SLC16A7: variants seen among roughly 807,000 people sequenced by gnomAD.
The protein encoded by SLC16A7 is solute carrier family 16 member 7.
A neutral mutation model predicts 34.9 loss-of-function variants in SLC16A7; 33 were observed. That is an observed-to-expected ratio of 0.94 (90% confidence interval 0.72 to 1.26). SLC16A7 has a LOEUF of 1.26. Ranked by LOEUF, SLC16A7 falls within the 50% of genes most tolerant of loss-of-function variation. The pLI is 0.00. For synonymous variants in SLC16A7, 201 were observed against 206.6 expected, an observed-to-expected ratio of 0.97 and a Z score of 0.23; for missense variants, 573 against 578.1, an observed-to-expected ratio of 0.99 and a Z score of 0.09.
intron 2 of SLC16A7, among the ~76,000 whole-genome samples, chr12:59,686,080 T>C (rs1282808150): frequency 6.7e-6 from 1 of 149,036 alleles, no homozygotes; most frequent in African/African-American, 2.4e-5. Context: ...AGTGATTCTT[T>C]CAAAAAGAAC....
chr12:59,733,205 G>A (rs529730871), intron 3 of SLC16A7, among the ~76,000 whole-genome samples: 1 of 152,296 alleles, frequency 6.6e-6, no homozygotes, highest in African/African-American at 2.4e-5. Flanking sequence ...TTTTGTTCAA[G>A]CCTGCTGGGC....
chr12:59,650,000 A>G (rs1196000813), intron 1 of SLC16A7, among the ~76,000 whole-genome samples: 1 of 152,114 alleles, frequency 6.6e-6, no homozygotes, highest in Non-Finnish European at 1.5e-5. Context: ...AATTTTATAG[A>G]TATTTGTCTA....
rs540710534 is a variant in SLC16A7, at chr12:59,694,847, A to G, written c.-30-9925A>G. ...GTATATGAAATATATGATAGTTAAT[A>G]TATGTAAAGAAAAGGATGTAACATA... On this transcript the variant is annotated intron_variant, in intron 2 of 5. Transcript: ENST00000547379. 2.0e-5 allele frequency among the ~76,000 whole-genome samples: 3 copies of G among 152,126 alleles called. No individual in the cohort carries two copies. In the East Asian group the frequency reaches 5.8e-4, roughly 29 times the overall value.
chr12:59,596,031 TC>T lies in SLC16A7; in HGVS notation c.-333del, dbSNP rs1389718024. The stretch of plus-strand genomic sequence containing the variant: ...TCCGGCCCCCACCCCTGGCGCGCGC[TC>T]CTCCGCACCCACAAGGGCGTTCAGC... On this transcript the variant is annotated 5_prime_UTR_variant, in exon 1 of 6. Coordinates refer to ENST00000547379, the MANE Select transcript of SLC16A7 (RefSeq NM_001270623.2). The surrounding 1 kb of genome is among the most constrained non-coding windows in gnomAD (Gnocchi z 5.0). 1 of 125,542 alleles carries T rather than the reference TC, an allele frequency of 8.0e-6. No homozygotes were observed. Among genetic ancestry groups the T allele is most frequent in the Non-Finnish European group, 1.6e-5 (1 of 61,964 alleles). 7.8% of individuals were successfully genotyped at this position (125,542 alleles called of 1,614,324 possible).
At chr12:59,674,896 T>C (rs1870178771) in intron 2 of SLC16A7, among the ~76,000 whole-genome samples, 2 of 152,172 alleles carry the variant, frequency 1.3e-5, no homozygotes, top group South Asian at 2.1e-4. Flanking sequence ...GGACAGAAGA[T>C]AGATCAAATT....
chr12:59,664,658 C>T (rs1048877118), intron 2 of SLC16A7: 1 of 152,156 alleles, frequency 6.6e-6, no homozygotes, highest in East Asian at 1.9e-4. Flanking sequence ...TTTAGCAGTT[C>T]AAATTGCCAG....
At chr12:59,695,916 A>T (rs2137111577) in intron 2 of SLC16A7, among the ~76,000 whole-genome samples, 1 of 152,200 alleles carries the variant, frequency 6.6e-6, no homozygotes, top group South Asian at 2.1e-4. Context: ...GATCTCTAAA[A>T]TAATTTTTGT....
intron 2 of SLC16A7, among the ~76,000 whole-genome samples, chr12:59,700,513 AATT>A (rs1378885456): frequency 6.7e-6 from 1 of 149,316 alleles, no homozygotes; most frequent in South Asian, 2.1e-4. Context: ...TTTAATTATT[AATT>A]ATTAAGAATT....
At position 59,783,655 on chromosome 12, in the gene SLC16A7, T is replaced by A. The variant is rs558570203; in HGVS notation, c.*3976T>A. On this transcript the variant is annotated 3_prime_UTR_variant, in exon 6 of 6. Coordinates refer to ENST00000547379, the MANE Select transcript of SLC16A7 (RefSeq NM_001270623.2). Reference sequence around the variant, plus strand: ...ATATGTAATTTCTTTCTTTCTTTCTTTTTTTTTTTTTTTGAGACTGAGTCT... The same window carrying A: ...ATATGTAATTTCTTTCTTTCTTTCTATTTTTTTTTTTTTGAGACTGAGTCT... 23 of 145,752 alleles carry A rather than the reference T, an allele frequency of 1.6e-4. No individual in the cohort carries two copies. Among genetic ancestry groups the A allele is most frequent in the Admixed American group, 1.4e-3 (20 of 14,688 alleles). The allele number at this position is 145,752 out of a possible 1,614,324, so 9.0% of individuals were successfully genotyped here.
chr12:59,740,072 G>T lies in SLC16A7; in HGVS notation c.218-31147G>T, dbSNP rs568535392. 1.9e-3 allele frequency among the ~76,000 whole-genome samples: 293 copies of T among 151,166 alleles called. 3 individuals carry two copies. The highest frequency in any genetic ancestry group is 6.9e-3 in the African/African-American group (285 of 41,046). ...AATTAGATCCCATTTGTCAATTTTG[G>T]CTTTTGTTGCCATTGCTTTTGGTGT... On this transcript the variant is annotated intron_variant, in intron 3 of 5. Coordinates refer to ENST00000547379, the MANE Select transcript of SLC16A7 (RefSeq NM_001270623.2).
intron 5 of SLC16A7, 107 bp from the exon 6 acceptor site, chr12:59,779,316 A>C (rs748268479): frequency 1.2e-6 from 1 of 851,820 alleles, no homozygotes; most frequent in African/African-American, 1.7e-5. Context: ...CTTATTTGAC[A>C]TTAATTTAAA....
intron 2 of SLC16A7, among the ~76,000 whole-genome samples, chr12:59,667,940 G>A (rs979553604): frequency 5.9e-5 from 9 of 152,226 alleles, no homozygotes; most frequent in African/African-American, 1.9e-4. Context: ...TATAGCTAGG[G>A]TCATGGCTTC....
intron 2 of SLC16A7, among the ~76,000 whole-genome samples, chr12:59,672,370 A>T (rs1869951728): frequency 6.6e-6 from 1 of 150,560 alleles, no homozygotes; most frequent in Non-Finnish European, 1.5e-5. Flanking sequence ...TACAGTTTGA[A>T]GGTATGGAAA....
rs934397206 is a variant in SLC16A7, at chr12:59,650,586, A to T, written c.-129-4566A>T. Among the ~76,000 whole-genome samples the T allele has an allele frequency of 2.0e-5, 3 of 152,138 alleles. No homozygotes were observed. In the South Asian group the frequency reaches 6.2e-4, roughly 31 times the overall value. On this transcript the variant is annotated intron_variant, in intron 1 of 5. Coordinates refer to ENST00000547379, the MANE Select transcript of SLC16A7 (RefSeq NM_001270623.2). ...ACTAGAGTGCCCATTTTACTTTTAG[A>T]TATCTTTGACTATGAGGTCATACTT... is the stretch of plus-strand genomic sequence containing the variant.
intron 1 of SLC16A7, among the ~76,000 whole-genome samples, chr12:59,621,072 G>A (rs1043133664): frequency 2.0e-5 from 3 of 151,856 alleles, no homozygotes; most frequent in African/African-American, 4.8e-5. Flanking sequence ...AAGACTTGGT[G>A]CACTATGGTT....
intron 1 of SLC16A7, among the ~76,000 whole-genome samples, chr12:59,651,979 A>T (rs1374774651): frequency 6.6e-6 from 1 of 152,080 alleles, no homozygotes; most frequent in African/African-American, 2.4e-5. Flanking sequence ...TATTCAAGGA[A>T]CTTTTTTTTC....
At chr12:59,676,820 C>T (rs1268063971) in intron 2 of SLC16A7, among the ~76,000 whole-genome samples, 1 of 151,466 alleles carries the variant, frequency 6.6e-6, no homozygotes, top group Non-Finnish European at 1.5e-5. Context: ...ATACTTTCTA[C>T]TTATGCAAAC....
At chr12:59,708,532 A>G (rs1001904181) in intron 3 of SLC16A7, among the ~76,000 whole-genome samples, 6 of 152,184 alleles carry the variant, frequency 3.9e-5, no homozygotes, top group African/African-American at 9.6e-5. Context: ...AGGTGAAAAG[A>G]CATAGTTTAC....
At chr12:59,766,554 T>G (rs1380147883) in intron 3 of SLC16A7, among the ~76,000 whole-genome samples, 1 of 152,234 alleles carries the variant, frequency 6.6e-6, no homozygotes, top group Non-Finnish European at 1.5e-5. Flanking sequence ...TTGTTGAATT[T>G]TGTCAAAGGC....
Sources: allele counts gnomAD v4.1 joint callset (sites outside exome capture counted in the v4.1 genomes callset), GRCh38; gene constraint gnomAD v4.1.1; non-coding constraint Gnocchi (gnomAD v3.1); transcripts MANE v1.5; gene names NCBI Gene and HGNC (gene_info 2026-07-23, HGNC 2026-07-21).